FAM111B: variants seen among roughly 807,000 people sequenced by gnomAD.
FAM111B encodes FAM111 trypsin like peptidase B, also known as serine protease FAM111B.
A neutral mutation model predicts 2.8 loss-of-function variants in FAM111B; 1 was observed. The ratio of observed to expected loss-of-function variants is 0.36; its 90% CI spans 0.13 to 1.70. The LOEUF (loss-of-function observed/expected upper bound fraction) is 1.70, where lower values mean the gene tolerates loss of function less well. FAM111B is among the 40% of genes most tolerant of loss of function. The probability of loss-of-function intolerance (pLI) is 0.35; values close to 1 mark genes in which losing one functional copy is unlikely to be tolerated. For missense variants in FAM111B, 882 were observed against 878.9 expected (o/e 1.00, Z -0.04); for synonymous variants, 297 against 295.6 (o/e 1.00, Z -0.05).
intron 3 of FAM111B, among the ~76,000 whole-genome samples, chr11:59,122,566 G>A (rs1859940557): frequency 6.6e-6 from 1 of 152,198 alleles, no homozygotes; most frequent in African/African-American, 2.4e-5. Context: ...CAGGATACTA[G>A]CTTGAGTAGT....
Position 59,124,815 on chromosome 11 carries a change from T to C in FAM111B, c.718T>C (p.Trp240Arg), listed in dbSNP as rs201783823. 2 of 1,613,550 alleles carry C rather than the reference T, an allele frequency of 1.2e-6. No individual in the cohort carries two copies. Among genetic ancestry groups the C allele is most frequent in the South Asian group, 2.2e-5 (2 of 91,054 alleles). ...RFRSDIGEFE[W>R]KLKEGHKKIY... ...TCGGTCTGACATAGGTGAATTTGAA[T>C]GGAAACTAAAGGAAGGTCATAAGAA... The change falls in exon 4 of 4, where the codon TGG becomes CGG. Residue 240 changes from tryptophan to arginine, a missense_variant. By Grantham distance (101) the Trp-to-Arg change is moderately radical (BLOSUM62 -3). Transcript: ENST00000343597.
At chr11:59,122,530 TAAAG>T in intron 3 of FAM111B, among the ~76,000 whole-genome samples, 1 of 152,168 alleles carries the variant, frequency 6.6e-6, no homozygotes, top group South Asian at 2.1e-4. Flanking sequence ...ATATGAGAGG[TAAAG>T]GAAGAAGCTG....
At chr11:59,117,792 C>T (rs1436634649) in intron 3 of FAM111B, among the ~76,000 whole-genome samples, 1 of 152,222 alleles carries the variant, frequency 6.6e-6, no homozygotes, top group Non-Finnish European at 1.5e-5. Context: ...CCCAATCTTC[C>T]TCCTGTTACC....
Position 59,125,167 on chromosome 11 carries a change from A to G in FAM111B, c.1070A>G (p.Tyr357Cys), listed in dbSNP as rs1474499616. 1 of 1,613,980 alleles carries G rather than the reference A, an allele frequency of 6.2e-7. No individual in the cohort carries two copies. Among genetic ancestry groups the G allele is most frequent in the Non-Finnish European group, 8.5e-7 (1 of 1,179,868 alleles). Reference protein sequence around the residue: ...NYYFCSLPRKYRQINSQVRRR... With the variant: ...NYYFCSLPRKCRQINSQVRRR... ...TACTTTTGTAGTTTGCCCCGAAAAT[A>G]TAGGCAAATAAACTCACAAGTTAGA... Residue 357 changes from tyrosine (Y) to cysteine (C), a missense_variant, in exon 4 of 4, where the codon TAT (tyrosine) becomes TGT (cysteine). Transcript: ENST00000343597.
At chr11:59,110,656 A>T (rs1230418143) in intron 3 of FAM111B, among the ~76,000 whole-genome samples, 1 of 152,230 alleles carries the variant, frequency 6.6e-6, no homozygotes, top group Admixed American at 6.5e-5. Flanking sequence ...CAAGTTGCAT[A>T]CATTAATTAT....
rs945639212 is a variant in FAM111B at position 59,127,346 on chromosome 11, C to T, written c.*1044C>T. On this transcript the variant is annotated 3_prime_UTR_variant, in exon 4 of 4. Transcript: ENST00000343597. The stretch of plus-strand genomic sequence containing the variant: ...CAAAACCCTGGTGACATGCAGTTTA[C>T]CTATATAACAAAACTGCACATGGAC... 3.3e-5 allele frequency: 5 copies of T among 152,034 alleles called. No individual in the cohort carries two copies. Among genetic ancestry groups the T allele is most frequent in the Non-Finnish European group, 5.9e-5 (4 of 67,990 alleles). 9.4% of individuals were successfully genotyped at this position (152,034 alleles called of 1,614,324 possible).
rs777584510 is a variant in FAM111B at position 59,125,394 on chromosome 11, A to G, written c.1297A>G (p.Ile433Val). 5.6e-6 allele frequency: 9 copies of G among 1,613,872 alleles called. No homozygotes were observed. The Admixed American group carries it at 1.5e-4, about 27-fold the overall frequency. ...TCTTTCACCAGCTAAGCAATTCAAC[A>G]TATATAAAAAGGACTTCGGAAAAAT... ...MNLSPAKQFNIYKKDFGKMTA... is the reference protein window; with the variant it reads ...MNLSPAKQFNVYKKDFGKMTA... Residue 433 changes from isoleucine (I) to valine (V), a missense_variant, in exon 4 of 4, where the codon ATA (isoleucine) becomes GTA (valine). Transcript: ENST00000343597.
In FAM111B at chr11:59,125,133, A is replaced by G; in HGVS notation, c.1036A>G (p.Arg346Gly). Reference sequence around the variant, plus strand: ...AACTCGCCAGACAATTCCCAGGATTAGAAATTATTACTTTTGTAGTTTGCC... The same window carrying G: ...AACTCGCCAGACAATTCCCAGGATTGGAAATTATTACTTTTGTAGTTTGCC... ...DKTRQTIPRI[R>G]NYYFCSLPRK... The change falls in exon 4 of 4, where the codon AGA becomes GGA. Residue 346 changes from arginine (R) to glycine (G), a missense_variant. Arg to Gly is a moderately radical substitution (Grantham distance 125). Coordinates refer to ENST00000343597, the MANE Select transcript of FAM111B (RefSeq NM_198947.4). 6.2e-7 allele frequency: 1 copy of G among 1,613,918 alleles called. No homozygotes were observed. The highest frequency in any genetic ancestry group is 1.6e-4 in the Middle Eastern group (1 of 6,062).
At chr11:59,114,207 A>G (rs1260795219) in intron 3 of FAM111B, among the ~76,000 whole-genome samples, 2 of 152,174 alleles carry the variant, frequency 1.3e-5, no homozygotes, top group Non-Finnish European at 2.9e-5. Context: ...CTTCCTGTCC[A>G]GGGCCTGAGT....
Position 59,109,615 on chromosome 11 carries a change from T to C in FAM111B, c.-11T>C, listed in dbSNP as rs1251643238. On this transcript the variant is annotated 5_prime_UTR_variant, in exon 3 of 4. Transcript: ENST00000343597. ...GTAGTAGAAGTTAGTTACATTCTCT[T>C]TGAACTCATCATGAATTCCATGAAG... The C allele has an allele frequency of 1.9e-6, 3 of 1,590,334 alleles. No homozygotes were observed. The highest frequency in any genetic ancestry group is 3.4e-5 in the Admixed American group (2 of 59,280).
chr11:59,108,121 A>G (rs1199696139), intron 1 of FAM111B, among the ~76,000 whole-genome samples: 1 of 152,176 alleles, frequency 6.6e-6, no homozygotes, highest in Non-Finnish European at 1.5e-5. Context: ...ACTGAATCAG[A>G]GTCTGTGAGG....
chr11:59,125,405 G>A lies in FAM111B; in HGVS notation c.1308G>A (p.Lys436=), dbSNP rs369298781. ...SPAKQFNIYK[K]DFGKMTANSV... ...CTAAGCAATTCAACATATATAAAAA[G>A]GACTTCGGAAAAATGACTGCAAATT... The change falls in exon 4 of 4, where the codon AAG becomes AAA. Residue 436 remains lysine, a synonymous_variant. Transcript: ENST00000343597. 2.5e-6 allele frequency: 4 copies of A among 1,613,874 alleles called. No individual in the cohort carries two copies. Among genetic ancestry groups the A allele is most frequent in the Middle Eastern group, 1.6e-4 (1 of 6,062 alleles).
At chr11:59,120,010 A>G (rs956914112) in intron 3 of FAM111B, among the ~76,000 whole-genome samples, 12 of 152,200 alleles carry the variant, frequency 7.9e-5, no homozygotes, top group Non-Finnish European at 1.6e-4. Context: ...TATTTACAAA[A>G]CAATGGATTT....
rs1448398193 is a variant in FAM111B at position 59,126,779 on chromosome 11, A to T, written c.*477A>T. 1 of 158,388 alleles carries T rather than the reference A, an allele frequency of 6.3e-6. No homozygotes were observed. The highest frequency in any genetic ancestry group is 2.4e-5 in the African/African-American group (1 of 41,474). The allele number at this position is 158,388 out of a possible 1,614,324, so 9.8% of individuals were successfully genotyped here. A position where few individuals can be genotyped will look rare whatever the true frequency, so the allele number is the denominator to read the frequency against. Reference sequence around the variant, plus strand: ...AGGTTGCAGAGAAAGGGGAATGCTTATACACTGCTAGTGGGAAAATAAATT... The same window carrying T: ...AGGTTGCAGAGAAAGGGGAATGCTTTTACACTGCTAGTGGGAAAATAAATT... On this transcript the variant is annotated 3_prime_UTR_variant, in exon 4 of 4. Transcript: ENST00000343597.
At chr11:59,117,765 G>A (rs1859860049) in intron 3 of FAM111B, among the ~76,000 whole-genome samples, 2 of 152,230 alleles carry the variant, frequency 1.3e-5, no homozygotes, top group Admixed American at 1.3e-4. Flanking sequence ...TGAGGTTTGG[G>A]AGTGAGAGAG....
rs1471580052 is a variant in FAM111B at position 59,124,215 on chromosome 11, G to A, written c.118G>A (p.Val40Ile). ...GAAGCAGACACATGCTGACACACCT[G>A]TTGATCATTGTCTATCTGGCATAAG... Reference protein sequence around the residue: ...VMKQTHADTPVDHCLSGIRKC... With the variant: ...VMKQTHADTPIDHCLSGIRKC... The change falls in exon 4 of 4, where the codon GTT becomes ATT. Residue 40 changes from valine to isoleucine, a missense_variant. By Grantham distance (29) the Val-to-Ile change is conservative. Coordinates refer to ENST00000343597, the MANE Select transcript of FAM111B (RefSeq NM_198947.4). 3 of 1,613,438 alleles carry A rather than the reference G, an allele frequency of 1.9e-6. No homozygotes were observed. The highest frequency in any genetic ancestry group is 2.7e-5 in the African/African-American group (2 of 74,976).
chr11:59,114,028 G>C (rs1408197300), intron 3 of FAM111B, among the ~76,000 whole-genome samples: 2 of 152,218 alleles, frequency 1.3e-5, no homozygotes, highest in Non-Finnish European at 2.9e-5. Flanking sequence ...CAAATAGAAA[G>C]TTTTCGCTAG....
chr11:59,117,412 T>C (rs1460829625), intron 3 of FAM111B, among the ~76,000 whole-genome samples: 1 of 151,832 alleles, frequency 6.6e-6, no homozygotes, highest in Non-Finnish European at 1.5e-5. Flanking sequence ...CTGAGGAGAG[T>C]AGGAGGAGGG....
chr11:59,113,026 T>C (rs1464115716), intron 3 of FAM111B, among the ~76,000 whole-genome samples: 2 of 152,262 alleles, frequency 1.3e-5, no homozygotes, highest in South Asian at 4.1e-4. Flanking sequence ...TCTATATTTC[T>C]CTTTGTGGAT....
Sources: gnomAD v4.1 joint callset for allele counts (sites outside exome capture counted in the v4.1 genomes callset) on GRCh38, gnomAD v4.1.1 for gene constraint, MANE v1.5 for transcripts, NCBI Gene and HGNC (gene_info 2026-07-23, HGNC 2026-07-21) for gene names.